Variants in CAMTA1 observed in about 807,000 individuals in gnomAD.
The protein encoded by CAMTA1 is calmodulin binding transcription activator 1.
CAMTA1 carries 27 observed loss-of-function variants against 170.9 expected under a neutral mutation model. The ratio of observed to expected loss-of-function variants is 0.16; its 90% CI spans 0.12 to 0.22. The LOEUF is 0.22. Ranked by LOEUF, CAMTA1 falls within the 10% of genes least tolerant of loss-of-function variation. The pLI is 1.00. For synonymous variants in CAMTA1, 833 were observed against 891.5 expected (o/e 0.93, Z 1.17); for missense variants, 1,619 against 2,217.2 (o/e 0.73, Z 5.42).
intron 12 of CAMTA1, among the ~76,000 whole-genome samples, chr1:7,734,353 A>G (rs2096755475): frequency 6.6e-6 from 1 of 152,224 alleles, no homozygotes; most frequent in African/African-American, 2.4e-5. Flanking sequence ...AAAGTGGCAT[A>G]AAAGGAATGG....
chr1:6,825,035 C>T lies in CAMTA1; in HGVS notation c.116-57C>T, dbSNP rs912695893. The T allele has an allele frequency of 1.8e-5, 19 of 1,079,696 alleles. No individual in the cohort carries two copies. In the Admixed American group the frequency reaches 3.6e-4, roughly 20 times the overall value. 66.9% of individuals were successfully genotyped at this position (1,079,696 alleles called of 1,614,324 possible). A position where few individuals can be genotyped will look rare whatever the true frequency, so the allele number is the denominator to read the frequency against. ...TGCTATTTCTGACTTTGTCAGTGTA[C>T]TTTAAAGGAGATTTTATCTATTATT... On this transcript the variant is annotated intron_variant, in intron 2 of 22. Coordinates refer to ENST00000303635, the MANE Select transcript of CAMTA1 (RefSeq NM_015215.4).
chr1:7,496,257 G>A (rs1051486196), intron 6 of CAMTA1, among the ~76,000 whole-genome samples: 6 of 152,230 alleles, frequency 3.9e-5, no homozygotes, highest in Non-Finnish European at 8.8e-5. Context: ...AGGGAAAGAA[G>A]TGTGTGGCTG....
At chr1:7,549,081 TCCTTAGGGGTGGAGGTGC>T (rs2094759695) in intron 6 of CAMTA1, among the ~76,000 whole-genome samples, 1 of 125,370 alleles carries the variant, frequency 8.0e-6, no homozygotes, top group Non-Finnish European at 1.7e-5. Context: ...GGAGGGTGCC[TCCTTAGGGGTGGAGGTGC>T]CCTTGCAGGG....
At chr1:7,218,281 C>A (rs997637851) in intron 4 of CAMTA1, among the ~76,000 whole-genome samples, 14 of 152,174 alleles carry the variant, frequency 9.2e-5, no homozygotes, top group African/African-American at 3.4e-4. Context: ...GACACAGTTC[C>A]TCCCCCTCCA....
intron 4 of CAMTA1, among the ~76,000 whole-genome samples, chr1:7,142,804 A>G (rs1052927819): frequency 1.3e-5 from 2 of 152,166 alleles, no homozygotes; most frequent in African/African-American, 2.4e-5. Context: ...ACTGTGAGCC[A>G]AATGAACCTC....
chr1:7,613,484 C>A (rs529867471), intron 6 of CAMTA1, among the ~76,000 whole-genome samples: 18 of 152,236 alleles, frequency 1.2e-4, no homozygotes, highest in African/African-American at 4.3e-4. Flanking sequence ...AGCCAGGCTG[C>A]AGGGAAAAGA....
chr1:7,127,258 T>TTTA (rs1553252633), intron 4 of CAMTA1, among the ~76,000 whole-genome samples: 4 of 144,924 alleles, frequency 2.8e-5, no homozygotes, highest in African/African-American at 1.0e-4. Flanking sequence ...TTTTTTTTTT[T>TTTA]TTTTTTTTTT....
At chr1:7,656,170 A>G (rs2095901497) in intron 7 of CAMTA1, among the ~76,000 whole-genome samples, 1 of 152,240 alleles carries the variant, frequency 6.6e-6, no homozygotes, top group Non-Finnish European at 1.5e-5. Context: ...ATTCTGTTGT[A>G]GCAGCACAAA....
chr1:7,387,229 G>A (rs1358188330), intron 5 of CAMTA1, among the ~76,000 whole-genome samples: 2 of 151,860 alleles, frequency 1.3e-5, no homozygotes, highest in African/African-American at 2.4e-5. Context: ...GAACAGGCTT[G>A]GACCCTACCC....
intron 7 of CAMTA1, among the ~76,000 whole-genome samples, chr1:7,652,650 C>T (rs2095855218): frequency 6.6e-6 from 1 of 152,172 alleles, no homozygotes; most frequent in South Asian, 2.1e-4. Flanking sequence ...TGCACAGTCA[C>T]CAGCCCCTGG....
chr1:7,464,752 G>A (rs2093170819), intron 5 of CAMTA1, among the ~76,000 whole-genome samples: 1 of 152,052 alleles, frequency 6.6e-6, no homozygotes, highest in African/African-American at 2.4e-5. Context: ...CACTCACGGG[G>A]GGTCCAAGGA....
chr1:6,951,790 G>C (rs1166221618), intron 3 of CAMTA1, among the ~76,000 whole-genome samples: 1 of 152,224 alleles, frequency 6.6e-6, no homozygotes, highest in East Asian at 1.9e-4. Flanking sequence ...CTGGAGCAGA[G>C]AGAGGTTAGC....
At chr1:7,371,331 A>G (rs1038829428) in intron 5 of CAMTA1, among the ~76,000 whole-genome samples, 8 of 151,528 alleles carry the variant, frequency 5.3e-5, no homozygotes, top group Admixed American at 3.9e-4. Flanking sequence ...ATCTCGGCTC[A>G]CTGCAACCTC....
chr1:7,225,007 G>A (rs969901894), intron 4 of CAMTA1, among the ~76,000 whole-genome samples: 2 of 152,332 alleles, frequency 1.3e-5, no homozygotes, highest in South Asian at 2.1e-4. Context: ...GGAGAGGCTA[G>A]GAAGAGTCAG....
chr1:7,583,159 G>A (rs1050365203), intron 6 of CAMTA1, among the ~76,000 whole-genome samples: 2 of 152,074 alleles, frequency 1.3e-5, no homozygotes, highest in East Asian at 1.9e-4. Context: ...GGGGCCTAAA[G>A]GGGATCCCTT....
chr1:7,611,222 G>A (rs1424221914), intron 6 of CAMTA1, among the ~76,000 whole-genome samples: 1 of 152,208 alleles, frequency 6.6e-6, no homozygotes, highest in African/African-American at 2.4e-5. Flanking sequence ...AGCCTGGGGG[G>A]CTGCTGAGTC....
chr1:7,069,518 A>C (rs1638317102), intron 3 of CAMTA1, among the ~76,000 whole-genome samples: 1 of 152,216 alleles, frequency 6.6e-6, no homozygotes, highest in African/African-American at 2.4e-5. Context: ...GAATTGAGCC[A>C]AGGGTCAGCC....
chr1:6,935,132 C>G (rs1041388575), intron 3 of CAMTA1, among the ~76,000 whole-genome samples: 12 of 152,166 alleles, frequency 7.9e-5, no homozygotes, highest in Non-Finnish European at 1.5e-4. Flanking sequence ...AATTTGATGA[C>G]AAATCTCTCA....
intron 3 of CAMTA1, among the ~76,000 whole-genome samples, chr1:6,829,553 T>C (rs1307608992): frequency 1.3e-5 from 2 of 152,238 alleles, no homozygotes. Flanking sequence ...CAGTATGTAT[T>C]GAACATCCTT....
Sources: allele counts gnomAD v4.1 joint callset (sites outside exome capture counted in the v4.1 genomes callset), GRCh38; gene constraint gnomAD v4.1.1; transcripts MANE v1.5; gene names NCBI Gene and HGNC (gene_info 2026-07-23, HGNC 2026-07-21).